LRMDA: variants seen among roughly 807,000 people sequenced by gnomAD.
LRMDA encodes leucine rich melanocyte differentiation associated.
Under a neutral mutation model 29.8 loss-of-function variants are expected in LRMDA, and 18 were observed. The ratio of observed to expected loss-of-function variants is 0.60; its 90% confidence interval spans 0.42 to 0.90. LRMDA has a LOEUF of 0.90. LRMDA is among the 40% of genes least tolerant of loss of function. LRMDA has a pLI of 0.00. For synonymous variants in LRMDA, 125 were observed against 109.4 expected, an observed-to-expected ratio of 1.14 and a Z score of -0.89; for missense variants, 273 against 273.9, an observed-to-expected ratio of 1.00 and a Z score of 0.02.
chr10:75,482,731 A>G (rs1244486928), intron 2 of LRMDA, among the ~76,000 whole-genome samples: 1 of 152,144 alleles, frequency 6.6e-6, no homozygotes, highest in Non-Finnish European at 1.5e-5. Context: ...GGGTATAAGG[A>G]TACATTTTAA....
intron 6 of LRMDA, among the ~76,000 whole-genome samples, chr10:76,436,960 C>G (rs182222073): frequency 6.6e-6 from 1 of 152,246 alleles, no homozygotes; most frequent in African/African-American, 2.4e-5. Context: ...CTTCCCACTC[C>G]TCAAACAGGA....
intron 5 of LRMDA, among the ~76,000 whole-genome samples, chr10:76,181,928 A>G (rs1270693455): frequency 6.6e-6 from 1 of 152,226 alleles, no homozygotes; most frequent in East Asian, 1.9e-4. Flanking sequence ...TTAGGATGGC[A>G]GAAATGCAAC....
intron 2 of LRMDA, among the ~76,000 whole-genome samples, chr10:75,841,511 G>C (rs1247313618): frequency 1.3e-5 from 2 of 152,206 alleles, no homozygotes; most frequent in Non-Finnish European, 2.9e-5. Context: ...AAATGCACAG[G>C]AAAGTGGAGT....
chr10:76,447,552 A>G (rs1186624553), intron 6 of LRMDA, among the ~76,000 whole-genome samples: 2 of 152,172 alleles, frequency 1.3e-5, no homozygotes, highest in Non-Finnish European at 2.9e-5. Context: ...CAGGCCAGAA[A>G]CAACTTCTAT....
intron 2 of LRMDA, among the ~76,000 whole-genome samples, chr10:76,023,654 T>A (rs960690891): frequency 6.6e-6 from 1 of 152,154 alleles, no homozygotes; most frequent in East Asian, 1.9e-4. Flanking sequence ...GAGGCAAGGG[T>A]TTGACTGAAA....
intron 2 of LRMDA, among the ~76,000 whole-genome samples, chr10:75,787,497 A>G (rs979395561): frequency 1.3e-5 from 2 of 152,088 alleles, no homozygotes; most frequent in African/African-American, 4.8e-5. Context: ...CATTGTCAGG[A>G]CATACCCACA....
At chr10:75,963,199 T>A (rs931262690) in intron 2 of LRMDA, among the ~76,000 whole-genome samples, 2 of 152,234 alleles carry the variant, frequency 1.3e-5, no homozygotes, top group African/African-American at 4.8e-5. Context: ...TGCTTTGACA[T>A]CCTGATATCT....
intron 6 of LRMDA, among the ~76,000 whole-genome samples, chr10:76,418,716 T>G (rs1393158868): frequency 6.6e-6 from 1 of 152,074 alleles, no homozygotes; most frequent in Non-Finnish European, 1.5e-5. Flanking sequence ...TTTAATTTTA[T>G]TATGTCTAAT....
At chr10:76,141,619 C>T (rs557590331) in intron 5 of LRMDA, among the ~76,000 whole-genome samples, 22 of 152,222 alleles carry the variant, frequency 1.4e-4, no homozygotes, top group African/African-American at 4.1e-4. Context: ...CCATTCCAGC[C>T]ATTCCAAATT....
intron 2 of LRMDA, among the ~76,000 whole-genome samples, chr10:75,635,384 CT>C (rs1157273552): frequency 6.6e-6 from 1 of 152,036 alleles, no homozygotes; most frequent in African/African-American, 2.4e-5. Flanking sequence ...TGTTTTCTCC[CT>C]TCTCTCTATT....
chr10:75,642,555 CTGTAGGG>C (rs1841467551), intron 2 of LRMDA: 2 of 152,310 alleles, frequency 1.3e-5, no homozygotes, highest in South Asian at 4.1e-4. Context: ...TTTCTGGTCA[CTGTAGGG>C]TTAGCTCTTG....
intron 3 of LRMDA, among the ~76,000 whole-genome samples, chr10:76,046,867 G>T (rs1848447071): frequency 6.6e-6 from 1 of 152,120 alleles, no homozygotes; most frequent in South Asian, 2.1e-4. Context: ...CTTCCCTTTT[G>T]GTGTGTTTTA....
chr10:76,534,532 G>C (rs1049316413), intron 6 of LRMDA, among the ~76,000 whole-genome samples: 3 of 152,194 alleles, frequency 2.0e-5, no homozygotes, highest in African/African-American at 7.2e-5. Flanking sequence ...TTGGCCTTTT[G>C]AGTAAGAAAG....
At chr10:75,542,484 C>G (rs1018855758) in intron 2 of LRMDA, among the ~76,000 whole-genome samples, 1 of 152,154 alleles carries the variant, frequency 6.6e-6, no homozygotes, top group African/African-American at 2.4e-5. Context: ...GATTGATGCT[C>G]TGTCTCTCAT....
intron 5 of LRMDA, among the ~76,000 whole-genome samples, chr10:76,064,759 A>G (rs1419640542): frequency 6.6e-6 from 1 of 152,244 alleles, no homozygotes; most frequent in Non-Finnish European, 1.5e-5. Flanking sequence ...AAGCCAGGAC[A>G]TGCCTATAAA....
intron 2 of LRMDA, among the ~76,000 whole-genome samples, chr10:75,947,281 G>A (rs1405116888): frequency 2.0e-5 from 3 of 152,118 alleles, no homozygotes; most frequent in African/African-American, 7.2e-5. Flanking sequence ...TTTTCTTTGG[G>A]TGAGTGTTGA....
At chr10:75,815,630 A>G (rs1844045343) in intron 2 of LRMDA, among the ~76,000 whole-genome samples, 1 of 152,314 alleles carries the variant, frequency 6.6e-6, no homozygotes, top group Admixed American at 6.5e-5. Context: ...AGACTCTGTT[A>G]GTTTAGGTCA....
chr10:75,909,439 G>T (rs1406969919), intron 2 of LRMDA, among the ~76,000 whole-genome samples: 2 of 152,092 alleles, frequency 1.3e-5, no homozygotes, highest in Admixed American at 6.5e-5. Flanking sequence ...TGCAGCCCTG[G>T]ATGCTGTGGC....
At chr10:76,273,897 A>C (rs1242708946) in intron 5 of LRMDA, among the ~76,000 whole-genome samples, 1 of 152,146 alleles carries the variant, frequency 6.6e-6, no homozygotes, top group African/African-American at 2.4e-5. Flanking sequence ...AAGTAATTCT[A>C]TTGTTGTCAT....
Sources: gnomAD v4.1 joint callset for allele counts (sites outside exome capture counted in the v4.1 genomes callset) on GRCh38, gnomAD v4.1.1 for gene constraint, MANE v1.5 for transcripts, NCBI Gene and HGNC (gene_info 2026-07-23, HGNC 2026-07-21) for gene names.